IGFBP2: variants seen among roughly 807,000 people sequenced by gnomAD.
IGFBP2 encodes the protein insulin like growth factor binding protein 2.
A neutral mutation model predicts 26.2 loss-of-function variants in IGFBP2; 12 were observed. The observed-to-expected ratio is 0.46, with a 90% CI of 0.29 to 0.74. The LOEUF (loss-of-function observed/expected upper bound fraction) is 0.74, where lower values mean the gene tolerates loss of function less well. IGFBP2 is among the 30% of genes least tolerant of loss of function. IGFBP2 has a pLI of 0.09. For missense variants in IGFBP2, 328 were observed against 441.2 expected, an observed-to-expected ratio of 0.74 and a Z score of 2.30; for synonymous variants, 189 against 200.6, an observed-to-expected ratio of 0.94 and a Z score of 0.49.
In IGFBP2 at chr2:216,652,168, G is replaced by T. The variant is rs1697839236; in HGVS notation, c.443-8389G>T. Among the ~76,000 whole-genome samples the T allele has an allele frequency of 2.0e-5, 3 of 148,778 alleles. No homozygotes were observed. In the South Asian group the frequency reaches 6.4e-4, roughly 32 times the overall value. On this transcript the variant is annotated intron_variant, in intron 1 of 3. Transcript: ENST00000233809. ...TTTAACAGCAGCCATCATTTTAGCA[G>T]AATTTTTTTTTTTTTTTTTTTTGAG... is the stretch of plus-strand genomic sequence containing the variant.
chr2:216,646,201 A>C (rs772694927), intron 1 of IGFBP2, among the ~76,000 whole-genome samples: 1 of 152,204 alleles, frequency 6.6e-6, no homozygotes, highest in South Asian at 2.1e-4. Flanking sequence ...ATCTGAGAGC[A>C]GAGTTATGGG....
rs944088790 is a variant in IGFBP2, at chr2:216,650,960, G to C, written c.443-9597G>C. Reference sequence around the variant, plus strand: ...AATGAATGAAGCTGGGTGTCCTCAGGAGATAGATGGACCAGTTGGGGTGAT... The same window carrying C: ...AATGAATGAAGCTGGGTGTCCTCAGCAGATAGATGGACCAGTTGGGGTGAT... On this transcript the variant is annotated intron_variant, in intron 1 of 3. Coordinates refer to ENST00000233809, the MANE Select transcript of IGFBP2 (RefSeq NM_000597.3). Among the ~76,000 whole-genome samples, 4 of 152,252 alleles carry C rather than the reference G, an allele frequency of 2.6e-5. No individual in the cohort carries two copies. The East Asian group carries it at 5.8e-4, about 22-fold the overall frequency.
At position 216,633,786 on chromosome 2, in the gene IGFBP2, C is replaced by T; in HGVS notation, c.263C>T (p.Ser88Leu). The T allele has an allele frequency of 2.1e-6, 3 of 1,417,452 alleles. No homozygotes were observed. The highest frequency in any genetic ancestry group is 2.8e-6 in the Non-Finnish European group (3 of 1,089,786). The allele number at this position is 1,417,452 out of a possible 1,614,324, so 87.8% of individuals were successfully genotyped here. A position where few individuals can be genotyped will look rare whatever the true frequency, so the allele number is the denominator to read the frequency against. Residue 88 changes from serine (S) to leucine (L), a missense_variant, in exon 1 of 4, where the codon TCG becomes TTG. Transcript: ENST00000233809. The stretch of plus-strand genomic sequence containing the variant: ...CGGGAGCCGGGCTGCGGCTGCTGCT[C>T]GGTGTGCGCCCGGCTGGAGGGCGAG... Reference protein sequence around the residue: ...LVREPGCGCCSVCARLEGEAC... With the variant: ...LVREPGCGCCLVCARLEGEAC...
rs781406269 is a variant in IGFBP2, at chr2:216,664,140, C to A, written c.*36C>A. The stretch of plus-strand genomic sequence containing the variant: ...GCCGGTGCCTGGCGCCCCTGCCCCC[C>A]GCCCCTCTCCAAACACCGGCAGAAA... On this transcript the variant is annotated 3_prime_UTR_variant, in exon 4 of 4. Transcript: ENST00000233809. This position sits in a 1 kb window ranked among gnomAD's most constrained non-coding sequence, Gnocchi z 4.6. The A allele has an allele frequency of 2.0e-6, 3 of 1,498,156 alleles. No individual in the cohort carries two copies. Among genetic ancestry groups the A allele is most frequent in the East Asian group, 4.8e-5 (2 of 41,854 alleles). The allele number at this position is 1,498,156 out of a possible 1,614,324, so 92.8% of individuals were successfully genotyped here.
chr2:216,653,692 G>A (rs995848592), intron 1 of IGFBP2, among the ~76,000 whole-genome samples: 1 of 152,142 alleles, frequency 6.6e-6, no homozygotes, highest in African/African-American at 2.4e-5. Context: ...AGAAAGGTGT[G>A]GCAGTCTACC....
At chr2:216,657,409 G>A (rs59183779) in intron 1 of IGFBP2, among the ~76,000 whole-genome samples, 1,791 of 152,258 alleles carry the variant, frequency 0.012, 35 homozygotes, top group African/African-American at 0.04. Context: ...GACTTTCCCC[G>A]GCCTTTCTCT....
intron 1 of IGFBP2, among the ~76,000 whole-genome samples, chr2:216,637,924 C>G (rs912833637): frequency 1.1e-4 from 17 of 152,252 alleles, no homozygotes; most frequent in African/African-American, 4.1e-4. Context: ...CGCATTGGCT[C>G]ATGCCTGTAA....
intron 1 of IGFBP2, among the ~76,000 whole-genome samples, chr2:216,652,890 C>T (rs1246625117): frequency 6.6e-6 from 1 of 152,138 alleles, no homozygotes; most frequent in East Asian, 1.9e-4. Flanking sequence ...GAGGTGAGTT[C>T]ATTGGAGGAA....
intron 1 of IGFBP2, among the ~76,000 whole-genome samples, chr2:216,641,877 A>T (rs555873989): frequency 6.6e-6 from 1 of 150,984 alleles, no homozygotes; most frequent in African/African-American, 2.4e-5. Context: ...TTTTTAGTAG[A>T]GACGGGGTTT....
chr2:216,643,886 C>T (rs886097773), intron 1 of IGFBP2, among the ~76,000 whole-genome samples: 1 of 152,076 alleles, frequency 6.6e-6, no homozygotes, highest in Non-Finnish European at 1.5e-5. Context: ...GTAATTTCAC[C>T]TGCTCCCACC....
At chr2:216,632,831 G>A (rs1421653533), upstream of IGFBP2, 1 of 152,170 alleles carries the variant, frequency 6.6e-6, no homozygotes, top group Non-Finnish European at 1.5e-5. Flanking sequence ...GAGCTCCCAG[G>A]TTTGGAAAAC....
Position 216,647,177 on chromosome 2 carries a change from G to A in IGFBP2, c.442+13212G>A, listed in dbSNP as rs970322539. Among the ~76,000 whole-genome samples, 14 of 152,022 alleles carry A rather than the reference G, an allele frequency of 9.2e-5. No homozygotes were observed. The East Asian group carries it at 2.7e-3, about 29-fold the overall frequency. On this transcript the variant is annotated intron_variant, in intron 1 of 3. Transcript: ENST00000233809. ...ATGAAGTCCCTTCATGGTAAATAAAGTTATGAAAGTAAGAGAATCAAGTTG... is the reference window on the plus strand; with the variant it reads ...ATGAAGTCCCTTCATGGTAAATAAAATTATGAAAGTAAGAGAATCAAGTTG...
chr2:216,637,001 A>G (rs1380539171), intron 1 of IGFBP2, among the ~76,000 whole-genome samples: 1 of 152,120 alleles, frequency 6.6e-6, no homozygotes, highest in African/African-American at 2.4e-5. Context: ...AAAGGGGGGA[A>G]GAGGCAAGCA....
At chr2:216,642,289 C>T (rs562724136) in intron 1 of IGFBP2, among the ~76,000 whole-genome samples, 7 of 147,100 alleles carry the variant, frequency 4.8e-5, no homozygotes, top group African/African-American at 1.0e-4. Context: ...TGAGCCACCC[C>T]GTCTGGCTAG....
rs9341132 is a variant in IGFBP2, at chr2:216,642,767, C to G, written c.442+8802C>G. 3.4e-3 allele frequency among the ~76,000 whole-genome samples: 514 copies of G among 152,268 alleles called. 2 individuals are homozygous for G. Among genetic ancestry groups the G allele is most frequent in the Non-Finnish European group, 6.2e-3 (419 of 68,016 alleles). Reference sequence around the variant, plus strand: ...AGAGGTGGCCCCAGAGCTTGGACATCTGGGTTCTCATGCTGGCCTTGCTGC... The same window carrying G: ...AGAGGTGGCCCCAGAGCTTGGACATGTGGGTTCTCATGCTGGCCTTGCTGC... On this transcript the variant is annotated intron_variant, in intron 1 of 3. Transcript: ENST00000233809.
At chr2:216,645,139 T>A (rs1697686193) in intron 1 of IGFBP2, among the ~76,000 whole-genome samples, 1 of 152,198 alleles carries the variant, frequency 6.6e-6, no homozygotes, top group Non-Finnish European at 1.5e-5. Context: ...AAATGGCAAT[T>A]CCCTTGTGCC....
At chr2:216,655,427 TC>T (rs1697901458) in intron 1 of IGFBP2, among the ~76,000 whole-genome samples, 1 of 152,160 alleles carries the variant, frequency 6.6e-6, no homozygotes, top group South Asian at 2.1e-4. Context: ...CTTCCCCGCT[TC>T]ACCTGGCACT....
intron 2 of IGFBP2, 176 bp downstream of exon 2, chr2:216,660,962 C>G (rs560975162): frequency 6.6e-6 from 4 of 605,678 alleles, no homozygotes; most frequent in African/African-American, 5.5e-5. Flanking sequence ...GTCAGTATCT[C>G]TGGCTGTGAA....
At position 216,636,980 on chromosome 2, in the gene IGFBP2, C is replaced by T. The variant is rs116353019; in HGVS notation, c.442+3015C>T. Among the ~76,000 whole-genome samples the T allele has an allele frequency of 5.8e-3, 871 of 150,306 alleles. 6 individuals are homozygous for T. Among genetic ancestry groups the T allele is most frequent in the African/African-American group, 0.011 (439 of 40,706 alleles). On this transcript the variant is annotated intron_variant, in intron 1 of 3. Transcript: ENST00000233809. ...GGGGAGGCTCTGCATCTGCAGTTGC[C>T]GGGGAAGAATAAAGGGGGGAAGAGG...
Sources: gnomAD v4.1 joint callset for allele counts (sites outside exome capture counted in the v4.1 genomes callset) on GRCh38, gnomAD v4.1.1 for gene constraint, Gnocchi (gnomAD v3.1) non-coding constraint, MANE v1.5 for transcripts, NCBI Gene and HGNC (gene_info 2026-07-23, HGNC 2026-07-21) for gene names.